Variants in TP73 observed in about 807,000 individuals in gnomAD.
TP73 encodes the protein tumor protein p73, also known as p53-like transcription factor.
TP73 carries 25 observed loss-of-function variants against 62.5 expected under a neutral mutation model. The observed-to-expected ratio is 0.40, with a 90% CI of 0.29 to 0.56. The LOEUF (loss-of-function observed/expected upper bound fraction) is 0.56. Among genes scored for constraint, TP73 ranks in the 20% least tolerant of loss-of-function variants. TP73 has a pLI of 0.46. For missense variants in TP73, 754 were observed against 913.3 expected, an observed-to-expected ratio of 0.83 and a Z score of 2.25; for synonymous variants, 423 against 377.5, an observed-to-expected ratio of 1.12 and a Z score of -1.40.
At chr1:3,713,500 G>T (rs148232907) in intron 4 of TP73, among the ~76,000 whole-genome samples, 94 of 152,278 alleles carry the variant, frequency 6.2e-4, no homozygotes, top group Admixed American at 4.0e-3. Context: ...GGCAAGGTGG[G>T]GGGCTCAGCT....
chr1:3,723,945 G>A (rs1641305467), intron 6 of TP73, among the ~76,000 whole-genome samples: 1 of 152,162 alleles, frequency 6.6e-6, no homozygotes, highest in Non-Finnish European at 1.5e-5. Context: ...CCTAGGCCAG[G>A]CCAGGGGCCC....
intron 4 of TP73, among the ~76,000 whole-genome samples, chr1:3,717,285 T>C (rs1640683203): frequency 6.6e-6 from 1 of 151,888 alleles, no homozygotes; most frequent in Admixed American, 6.5e-5. Flanking sequence ...GGCCCAGGGC[T>C]CCCAGCCAGG....
Position 3,701,992 on chromosome 1 carries a change from G to A in TP73, c.187-5557G>A. Among the ~76,000 whole-genome samples the A allele has an allele frequency of 6.6e-6, 1 of 152,210 alleles. No homozygotes were observed. The highest frequency in any genetic ancestry group is 1.9e-4 in the East Asian group (1 of 5,190). ...TGCCCCTCTCCTGGATGGGCAGAGA[G>A]GCCTGGTTTCCAGGATGGTGGCGTA... On this transcript the variant is annotated intron_variant, in intron 3 of 13. Transcript: ENST00000378295. The surrounding 1 kb of genome is among the most constrained non-coding windows in gnomAD (Gnocchi z 4.7).
intron 7 of TP73, 25 bp from the exon 8 acceptor site, chr1:3,727,603 A>T: frequency 1.3e-6 from 2 of 1,587,426 alleles, no homozygotes; most frequent in Non-Finnish European, 1.7e-6. Context: ...TTGAGCTCAC[A>T]ATTCTGGCTG....
intron 4 of TP73, among the ~76,000 whole-genome samples, chr1:3,713,465 G>A (rs950475615): frequency 1.3e-5 from 2 of 152,232 alleles, no homozygotes; most frequent in Non-Finnish European, 2.9e-5. Flanking sequence ...TAGGTGACCT[G>A]GACCTTGGGC....
At chr1:3,722,311 G>A (rs1641136548) in intron 5 of TP73, 104 bp downstream of exon 5, 2 of 1,389,864 alleles carry the variant, frequency 1.4e-6, no homozygotes, top group African/African-American at 2.9e-5. Flanking sequence ...TGACAGCATG[G>A]GCTTAGCCAT....
intron 1 of TP73, among the ~76,000 whole-genome samples, chr1:3,654,705 C>T (rs78819568): frequency 4.9e-4 from 75 of 152,298 alleles, no homozygotes; most frequent in African/African-American, 1.6e-3. Flanking sequence ...GGGAGAGACC[C>T]GGCTCCTTAG....
At chr1:3,655,004 G>A (rs1052001091) in intron 1 of TP73, among the ~76,000 whole-genome samples, 9 of 152,226 alleles carry the variant, frequency 5.9e-5, no homozygotes, top group Admixed American at 2.0e-4. Context: ...GCCCAGCGGC[G>A]GTATTAACCC....
rs1054871907 is a variant in TP73, at chr1:3,668,659, G to C, written c.-33-13674G>C. Reference sequence around the variant, plus strand: ...GCATGTACTGGTGTATTACGGATGAGACGGTCTCATAGGTGGAATTTGCTG... The same window carrying C: ...GCATGTACTGGTGTATTACGGATGACACGGTCTCATAGGTGGAATTTGCTG... On this transcript the variant is annotated intron_variant, in intron 1 of 13. Transcript: ENST00000378295. 14 of 152,186 alleles carry C rather than the reference G, an allele frequency of 9.2e-5. 1 individual carries two copies. The highest frequency in any genetic ancestry group is 3.4e-4 in the African/African-American group (14 of 41,418). The allele number at this position is 152,186 out of a possible 1,614,324, so 9.4% of individuals were successfully genotyped here. A position where few individuals can be genotyped will look rare whatever the true frequency, so the allele number is the denominator to read the frequency against.
intron 4 of TP73, 126 bp from the exon 5 acceptor site, chr1:3,721,895 G>A: frequency 1.0e-6 from 1 of 983,342 alleles, no homozygotes; most frequent in Non-Finnish European, 1.5e-6. Context: ...GCTGCTTGGG[G>A]CAGTCTTCAT....
intron 1 of TP73, among the ~76,000 whole-genome samples, chr1:3,677,643 C>T (rs1122724): frequency 7.2e-5 from 11 of 151,782 alleles, no homozygotes; most frequent in South Asian, 2.1e-4. Context: ...ACACACTGGA[C>T]GCCCCTGTTA....
intron 4 of TP73, among the ~76,000 whole-genome samples, chr1:3,710,613 C>G (rs904963761): frequency 6.6e-6 from 1 of 152,210 alleles, no homozygotes; most frequent in African/African-American, 2.4e-5. Flanking sequence ...CCTTTCTCCC[C>G]GATCAGGAAA....
chr1:3,728,891 G>T (rs1250303087), intron 9 of TP73, among the ~76,000 whole-genome samples: 1 of 152,072 alleles, frequency 6.6e-6, no homozygotes, highest in African/African-American at 2.4e-5. Context: ...ATCACCTGAG[G>T]GCAGGAGGAT....
At chr1:3,667,757 AAAAAAAAGAAAG>A (rs1201280512) in intron 1 of TP73, among the ~76,000 whole-genome samples, 1 of 152,028 alleles carries the variant, frequency 6.6e-6, no homozygotes, top group Non-Finnish European at 1.5e-5. Flanking sequence ...CTCAAAAAAA[AAAAAAAAGAAAG>A]AAAAAAAGTA....
chr1:3,727,363 A>G (rs2296031), intron 7 of TP73, 139 bp downstream of exon 7: 59,138 of 1,000,734 alleles, frequency 0.059, 2,165 homozygotes, highest in South Asian at 0.12. Context: ...GGAGGAAGGA[A>G]CCGCCCCCTG....
rs1179129606 is a variant in TP73, at chr1:3,701,765, T to C, written c.187-5784T>C. On this transcript the variant is annotated intron_variant, in intron 3 of 13. Transcript: ENST00000378295. This position sits in a 1 kb window ranked among gnomAD's most constrained non-coding sequence, Gnocchi z 4.7. ...CTCAGGTGATCCGCCTGCCTCGTCCTCCCAAATTGCTGGGATGACAGGCAT... is the reference window on the plus strand; with the variant it reads ...CTCAGGTGATCCGCCTGCCTCGTCCCCCCAAATTGCTGGGATGACAGGCAT... Among the ~76,000 whole-genome samples, 1 of 152,184 alleles carries C rather than the reference T, an allele frequency of 6.6e-6. No homozygotes were observed. Among genetic ancestry groups the C allele is most frequent in the African/African-American group, 2.4e-5 (1 of 41,432 alleles).
intron 3 of TP73, among the ~76,000 whole-genome samples, chr1:3,685,955 C>T (rs537066620): frequency 7.2e-5 from 11 of 152,362 alleles, no homozygotes; most frequent in African/African-American, 2.2e-4. Flanking sequence ...GGCCCGGCCT[C>T]GGGTCAGACA....
At chr1:3,723,520 T>TGGGGGGG in intron 6 of TP73, 51 bp downstream of exon 6, 1 of 588,152 alleles carries the variant, frequency 1.7e-6, no homozygotes, top group Non-Finnish European at 2.9e-6. Flanking sequence ...GCTGTACGGG[T>TGGGGGGG]CGGGGGAGGG....
intron 3 of TP73, among the ~76,000 whole-genome samples, chr1:3,687,086 C>T (rs114522823): frequency 0.012 from 1,877 of 152,316 alleles, 19 homozygotes; most frequent in South Asian, 0.032. Context: ...TGGCACAGTT[C>T]CTGCCTGAGC....
Sources: allele counts gnomAD v4.1 joint callset (sites outside exome capture counted in the v4.1 genomes callset), GRCh38; gene constraint gnomAD v4.1.1; non-coding constraint Gnocchi (gnomAD v3.1); transcripts MANE v1.5; gene names NCBI Gene and HGNC (gene_info 2026-07-23, HGNC 2026-07-21).